Variants in SHROOM3 observed in about 807,000 individuals in gnomAD.
SHROOM3 encodes shroom family member 3.
SHROOM3 carries 47 observed loss-of-function variants against 138.6 expected under a neutral mutation model. That is an observed-to-expected ratio of 0.34 (90% CI 0.27 to 0.43). The LOEUF is 0.43. SHROOM3 is among the 20% of genes least tolerant of loss of function. The pLI is 1.00. For synonymous variants in SHROOM3, 1,062 were observed against 1,063.3 expected, an observed-to-expected ratio of 1.00 and a Z score of 0.02; for missense variants, 2,491 against 2,596.5, an observed-to-expected ratio of 0.96 and a Z score of 0.88.
intron 2 of SHROOM3, among the ~76,000 whole-genome samples, chr4:76,689,896 G>A (rs1356123383): frequency 6.6e-6 from 1 of 152,176 alleles, no homozygotes; most frequent in Non-Finnish European, 1.5e-5. Flanking sequence ...GACACTCCTA[G>A]GCCTTGGCTT....
intron 1 of SHROOM3, among the ~76,000 whole-genome samples, chr4:76,532,943 C>T (rs888638702): frequency 5.8e-5 from 7 of 119,904 alleles, no homozygotes; most frequent in Middle Eastern, 4.3e-3. Context: ...ACAGTCAATC[C>T]GATAACTGTG....
chr4:76,643,938 G>A (rs1018021972), intron 2 of SHROOM3, among the ~76,000 whole-genome samples: 7 of 151,330 alleles, frequency 4.6e-5, no homozygotes, highest in Non-Finnish European at 1.0e-4. Context: ...TCGATTTCCT[G>A]GGTTCAAGCC....
intron 3 of SHROOM3, among the ~76,000 whole-genome samples, chr4:76,723,592 T>C (rs1441666474): frequency 6.6e-6 from 1 of 152,196 alleles, no homozygotes; most frequent in Non-Finnish European, 1.5e-5. Context: ...ACTTGCTTAC[T>C]CCCTGTCTCC....
intron 3 of SHROOM3, among the ~76,000 whole-genome samples, chr4:76,721,060 C>T (rs570161126): frequency 6.6e-6 from 1 of 151,960 alleles, no homozygotes; most frequent in Non-Finnish European, 1.5e-5. Flanking sequence ...AAGAATTTCT[C>T]CAGCACTTTG....
At chr4:76,601,737 C>A (rs567663861) in intron 2 of SHROOM3, among the ~76,000 whole-genome samples, 7 of 152,158 alleles carry the variant, frequency 4.6e-5, no homozygotes, top group African/African-American at 1.7e-4. Context: ...GAACTCCTGA[C>A]CTCAGGTGAT....
At chr4:76,761,140 G>A (rs981967610) in intron 9 of SHROOM3, among the ~76,000 whole-genome samples, 2 of 152,052 alleles carry the variant, frequency 1.3e-5, no homozygotes, top group Admixed American at 6.6e-5. Context: ...ACCAGGTAGC[G>A]AGCATAGTAC....
Position 76,511,042 on chromosome 4 carries a change from TGTG to T in SHROOM3, c.169-44561_169-44559del, listed in dbSNP as rs1343394331. On this transcript the variant is annotated intron_variant, in intron 1 of 10. Transcript: ENST00000296043. ...CTAAAAATACAAAAAATTAGCCAAGTGTGGTGGTTGGCGCCTGTAATCTCAGCT... is the reference window on the plus strand; with the variant it reads ...CTAAAAATACAAAAAATTAGCCAAGTGTGGTTGGCGCCTGTAATCTCAGCT... 2.0e-5 allele frequency among the ~76,000 whole-genome samples: 3 copies of T among 151,896 alleles called. No homozygotes were observed. In the East Asian group the frequency reaches 5.8e-4, roughly 30 times the overall value.
intron 1 of SHROOM3, among the ~76,000 whole-genome samples, chr4:76,454,869 C>T (rs1240225884): frequency 6.6e-6 from 1 of 151,982 alleles, no homozygotes; most frequent in Non-Finnish European, 1.5e-5. Flanking sequence ...CTTTTTGCCT[C>T]CTTGGTTAAG....
In SHROOM3 at chr4:76,778,983, A is replaced by G. The variant is rs1427387993; in HGVS notation, c.5797A>G (p.Ile1933Val). The G allele has an allele frequency of 6.2e-7, 1 of 1,614,178 alleles. No individual in the cohort carries two copies. The highest frequency in any genetic ancestry group is 8.5e-7 in the Non-Finnish European group (1 of 1,180,038). The change falls in exon 11 of 11, where the codon ATT (isoleucine) becomes GTT (valine). Residue 1933 changes from isoleucine (I) to valine (V), a missense_variant. By Grantham distance (29) the Ile-to-Val change is conservative (BLOSUM62 3). Coordinates refer to ENST00000296043, the MANE Select transcript of SHROOM3 (RefSeq NM_020859.4). ...CGTGAAAATGAAGTCCACGCTCCTCATTGAGCAACGGAAGCTGGATGACAA... is the reference window on the plus strand; with the variant it reads ...CGTGAAAATGAAGTCCACGCTCCTCGTTGAGCAACGGAAGCTGGATGACAA... ...HFVKMKSTLL[I>V]EQRKLDDKIK...
intron 1 of SHROOM3, among the ~76,000 whole-genome samples, chr4:76,495,931 A>C (rs564890314): frequency 3.4e-4 from 52 of 152,338 alleles, no homozygotes; most frequent in Non-Finnish European, 6.2e-4. Context: ...GAAGTCAAGG[A>C]ACCAGGCACG....
At position 76,651,401 on chromosome 4, in the gene SHROOM3, AATATATATATATATATATATATAT is replaced by A. The variant is rs33994270; in HGVS notation, c.324-58733_324-58710del. On this transcript the variant is annotated intron_variant, in intron 2 of 10. Coordinates refer to ENST00000296043, the MANE Select transcript of SHROOM3 (RefSeq NM_020859.4). ...ATTAACACATCTCATGTAACCCATA[AATATATATATATATATATATATAT>A]ATATATATATATATATATATACCTA... 1.7e-3 allele frequency among the ~76,000 whole-genome samples: 147 copies of A among 86,764 alleles called. 3 individuals are homozygous for A. Among genetic ancestry groups the A allele is most frequent in the Middle Eastern group, 0.015 (2 of 130 alleles). The allele number at this position is 86,764 out of a possible 152,430, so 56.9% of individuals were successfully genotyped here.
intron 2 of SHROOM3, among the ~76,000 whole-genome samples, chr4:76,685,742 G>T (rs1433024847): frequency 6.6e-6 from 1 of 152,170 alleles, no homozygotes; most frequent in Non-Finnish European, 1.5e-5. Context: ...ATTTTGGGAG[G>T]CTGACACGGG....
At chr4:76,615,280 A>G (rs957105439) in intron 2 of SHROOM3, among the ~76,000 whole-genome samples, 13 of 152,208 alleles carry the variant, frequency 8.5e-5, no homozygotes, top group African/African-American at 3.1e-4. Context: ...TTTGATATCA[A>G]CGCTCTCAAG....
chr4:76,560,193 T>C (rs545320184), intron 2 of SHROOM3, among the ~76,000 whole-genome samples: 7 of 152,124 alleles, frequency 4.6e-5, no homozygotes, highest in Non-Finnish European at 1.0e-4. Context: ...AAAATAGTTG[T>C]CCAGGGATCG....
In SHROOM3 at chr4:76,602,922, G is replaced by A. The variant is rs561856997; in HGVS notation, c.323+47159G>A. Among the ~76,000 whole-genome samples the A allele has an allele frequency of 2.6e-5, 4 of 152,174 alleles. No individual in the cohort carries two copies. In the South Asian group the frequency reaches 8.3e-4, roughly 32 times the overall value. On this transcript the variant is annotated intron_variant, in intron 2 of 10. Transcript: ENST00000296043. ...GAAGGTGATTATAAGAATTGAATGAGTTATGCATGTAACTAGCACATAGTA... is the reference window on the plus strand; with the variant it reads ...GAAGGTGATTATAAGAATTGAATGAATTATGCATGTAACTAGCACATAGTA...
chr4:76,727,569 A>G (rs1279564377), intron 3 of SHROOM3, among the ~76,000 whole-genome samples: 1 of 152,174 alleles, frequency 6.6e-6, no homozygotes, highest in African/African-American at 2.4e-5. Flanking sequence ...ATGAACCCTC[A>G]GGCTCCCTGC....
At chr4:76,445,629 A>G (rs914745137) in intron 1 of SHROOM3, among the ~76,000 whole-genome samples, 13 of 152,172 alleles carry the variant, frequency 8.5e-5, no homozygotes, top group African/African-American at 3.1e-4. Flanking sequence ...GTAGTATGAG[A>G]AATGGAAAGG....
chr4:76,558,494 G>C (rs909976961), intron 2 of SHROOM3, among the ~76,000 whole-genome samples: 1 of 152,098 alleles, frequency 6.6e-6, no homozygotes, highest in Non-Finnish European at 1.5e-5. Context: ...CTGGTTCCCT[G>C]GTTATCTGGA....
At chr4:76,625,645 C>G (rs927835231) in intron 2 of SHROOM3, among the ~76,000 whole-genome samples, 2 of 152,174 alleles carry the variant, frequency 1.3e-5, no homozygotes, top group African/African-American at 4.8e-5. Context: ...TTTCCTACTT[C>G]ACACTCCAAT....
Sources: allele counts gnomAD v4.1 joint callset (sites outside exome capture counted in the v4.1 genomes callset), GRCh38; gene constraint gnomAD v4.1.1; transcripts MANE v1.5; gene names NCBI Gene and HGNC (gene_info 2026-07-23, HGNC 2026-07-21).